MARCHF1: variants seen among roughly 807,000 people sequenced by gnomAD.
MARCHF1 encodes E3 ubiquitin-protein ligase MARCHF1.
Under a neutral mutation model 54.2 loss-of-function variants are expected in MARCHF1, and 40 were observed. The ratio of observed to expected loss-of-function variants is 0.74; its 90% CI spans 0.57 to 0.96. MARCHF1 has a LOEUF of 0.96. MARCHF1 is among the 40% of genes least tolerant of loss of function. The pLI is 0.00. For synonymous variants in MARCHF1, 236 were observed against 236.3 expected, an observed-to-expected ratio of 1.00 and a Z score of 0.01; for missense variants, 586 against 656.5, an observed-to-expected ratio of 0.89 and a Z score of 1.17.
intron 1 of MARCHF1, among the ~76,000 whole-genome samples, chr4:164,176,856 GC>G (rs1368787499): frequency 1.3e-5 from 2 of 149,470 alleles, no homozygotes; most frequent in South Asian, 2.1e-4. Flanking sequence ...TAACCATCAG[GC>G]CTTCTGATTC....
intron 1 of MARCHF1, among the ~76,000 whole-genome samples, chr4:164,372,449 C>G (rs1731062504): frequency 6.6e-6 from 1 of 152,066 alleles, no homozygotes; most frequent in South Asian, 2.1e-4. Flanking sequence ...ATTTTGGATA[C>G]ATTTCTGGAA....
rs1001368957 is a variant in MARCHF1 at position 163,724,733 on chromosome 4, G to C, written c.112-23870C>G. 5.9e-5 allele frequency among the ~76,000 whole-genome samples: 9 copies of C among 152,302 alleles called. No individual in the cohort carries two copies. In the East Asian group the frequency reaches 1.7e-3, roughly 29 times the overall value. The stretch of plus-strand genomic sequence containing the variant: ...TGGGCGCCCCTCCCTCAGCCTCGCT[G>C]CCACCTTGCAGTTTGATCTCAGACT... On this transcript the variant is annotated intron_variant, in intron 4 of 9. Coordinates refer to ENST00000514618, the MANE Select transcript of MARCHF1 (RefSeq NM_001394959.1).
At chr4:164,188,266 G>C (rs1731026252) in intron 1 of MARCHF1, 1 of 284,648 alleles carries the variant, frequency 3.5e-6, no homozygotes, top group Non-Finnish European at 6.9e-6. Context: ...CAGACCGACC[G>C]ACCGACTGGG....
intron 1 of MARCHF1, among the ~76,000 whole-genome samples, chr4:164,324,433 A>C (rs1735220398): frequency 1.3e-5 from 2 of 151,720 alleles, no homozygotes; most frequent in African/African-American, 4.8e-5. Flanking sequence ...TCAAAGAAAA[A>C]AATAAAATTG....
chr4:163,667,658 CT>C (rs1408773979), intron 5 of MARCHF1, among the ~76,000 whole-genome samples: 1 of 151,318 alleles, frequency 6.6e-6, no homozygotes, highest in Non-Finnish European at 1.5e-5. Context: ...TGGGATCTTG[CT>C]CTATTACCCA....
At chr4:164,356,796 A>T (rs547630595) in intron 1 of MARCHF1, among the ~76,000 whole-genome samples, 23 of 149,554 alleles carry the variant, frequency 1.5e-4, no homozygotes, top group African/African-American at 4.9e-4. Flanking sequence ...AAAAAAAAAT[A>T]GTATTGTTAA....
At chr4:163,783,352 T>C (rs934195097) in intron 4 of MARCHF1, among the ~76,000 whole-genome samples, 2 of 152,234 alleles carry the variant, frequency 1.3e-5, no homozygotes, top group Admixed American at 6.5e-5. Context: ...GGAATGTATT[T>C]AACATAAGTC....
intron 4 of MARCHF1, among the ~76,000 whole-genome samples, chr4:163,849,763 A>C (rs1453598654): frequency 1.3e-5 from 2 of 151,892 alleles, no homozygotes; most frequent in Non-Finnish European, 2.9e-5. Context: ...AGAACTCTGC[A>C]TTTTTTTTGT....
chr4:163,999,484 C>A (rs1190529307), intron 2 of MARCHF1, among the ~76,000 whole-genome samples: 1 of 151,440 alleles, frequency 6.6e-6, no homozygotes, highest in Non-Finnish European at 1.5e-5. Flanking sequence ...AACTGGGTAT[C>A]TTTTATGTAA....
At chr4:163,884,212 C>G (rs562948017) in intron 3 of MARCHF1, among the ~76,000 whole-genome samples, 1 of 152,140 alleles carries the variant, frequency 6.6e-6, no homozygotes, top group African/African-American at 2.4e-5. Context: ...GACCACCCCC[C>G]AGAGTAACTC....
rs1027210397 is a variant in MARCHF1 at position 164,184,623 on chromosome 4, T to C, written c.-322-72961A>G. ...ATAGAAATTAGTTGATAAAGACTCA[T>C]ACAGAATAATATGCTTAAACAATAA... On this transcript the variant is annotated intron_variant, in intron 1 of 9. Coordinates refer to ENST00000514618, the MANE Select transcript of MARCHF1 (RefSeq NM_001394959.1). Among the ~76,000 whole-genome samples the C allele has an allele frequency of 4.6e-5, 7 of 152,198 alleles. 1 individual carries two copies. Among genetic ancestry groups the C allele is most frequent in the Admixed American group, 3.9e-4 (6 of 15,276 alleles).
intron 4 of MARCHF1, among the ~76,000 whole-genome samples, chr4:163,843,327 C>T (rs1383299927): frequency 1.3e-5 from 2 of 151,946 alleles, no homozygotes; most frequent in African/African-American, 2.4e-5. Context: ...AATGAACATG[C>T]GAGTGCATGT....
At chr4:163,942,425 C>T (rs1042988328) in intron 3 of MARCHF1, among the ~76,000 whole-genome samples, 2 of 152,108 alleles carry the variant, frequency 1.3e-5, no homozygotes, top group Non-Finnish European at 2.9e-5. Context: ...TTCAATAAGC[C>T]CCTTGGACAG....
chr4:164,162,528 T>C, intron 1 of MARCHF1, among the ~76,000 whole-genome samples: 1 of 152,082 alleles, frequency 6.6e-6, no homozygotes, highest in Non-Finnish European at 1.5e-5. Context: ...GTGCCCAAAC[T>C]CACTGTCTCA....
At chr4:163,940,208 A>G (rs1422114099) in intron 3 of MARCHF1, among the ~76,000 whole-genome samples, 1 of 152,146 alleles carries the variant, frequency 6.6e-6, no homozygotes, top group Non-Finnish European at 1.5e-5. Context: ...CAAAGAAATA[A>G]ATTTCTGTTG....
At chr4:164,133,353 C>G (rs2065898930) in intron 1 of MARCHF1, among the ~76,000 whole-genome samples, 1 of 152,124 alleles carries the variant, frequency 6.6e-6, no homozygotes, top group Admixed American at 6.5e-5. Context: ...TCCATGTACT[C>G]CAATCTAGCT....
At position 163,988,625 on chromosome 4, in the gene MARCHF1, C is replaced by A. The variant is rs1443708110; in HGVS notation, c.-163G>T. Reference sequence around the variant, plus strand: ...ATTGGCAGGGCTGCAGGTGGCCAATCCCTGATTGGATGCCTTATCTCTTCA... The same window carrying A: ...ATTGGCAGGGCTGCAGGTGGCCAATACCTGATTGGATGCCTTATCTCTTCA... On this transcript the variant is annotated 5_prime_UTR_variant, in exon 3 of 10. Transcript: ENST00000514618. The A allele has an allele frequency of 1.3e-5, 2 of 152,232 alleles. No homozygotes were observed. Among genetic ancestry groups the A allele is most frequent in the African/African-American group, 4.8e-5 (2 of 41,446 alleles). 9.4% of individuals were successfully genotyped at this position (152,232 alleles called of 1,614,324 possible).
At chr4:163,607,437 T>C (rs1258811370) in intron 7 of MARCHF1, among the ~76,000 whole-genome samples, 2 of 152,154 alleles carry the variant, frequency 1.3e-5, no homozygotes, top group East Asian at 3.9e-4. Context: ...TCCAGGAAAT[T>C]AGTGGACTCA....
chr4:163,666,264 C>T (rs907991901), intron 5 of MARCHF1, among the ~76,000 whole-genome samples: 8 of 152,202 alleles, frequency 5.3e-5, no homozygotes, highest in Admixed American at 2.0e-4. Context: ...TGATAACATA[C>T]GGCTTTATAA....
Sources: allele counts gnomAD v4.1 joint callset (sites outside exome capture counted in the v4.1 genomes callset), GRCh38; gene constraint gnomAD v4.1.1; transcripts MANE v1.5; gene names NCBI Gene and HGNC (gene_info 2026-07-23, HGNC 2026-07-21).